Variants in IGSF21 observed in about 807,000 individuals in gnomAD.
The protein encoded by IGSF21 is immunoglobulin superfamily member 21.
In IGSF21, 28 loss-of-function variants were observed where a neutral mutation model predicts 46.8. The observed-to-expected ratio is 0.60, with a 90% CI of 0.44 to 0.82. The LOEUF (loss-of-function observed/expected upper bound fraction) is 0.82, where lower values mean the gene tolerates loss of function less well. IGSF21 is among the 40% of genes least tolerant of loss of function. The pLI, the probability that IGSF21 is intolerant of heterozygous loss-of-function variation, is 0.00. For synonymous variants in IGSF21, 284 were observed against 273.6 expected, an observed-to-expected ratio of 1.04 and a Z score of -0.38; for missense variants, 624 against 665.5, an observed-to-expected ratio of 0.94 and a Z score of 0.69.
At chr1:18,246,522 T>A (rs569802742) in intron 2 of IGSF21, among the ~76,000 whole-genome samples, 1 of 151,994 alleles carries the variant, frequency 6.6e-6, no homozygotes, top group East Asian at 1.9e-4. Flanking sequence ...TGTGGTCTTG[T>A]CCCCTCTGGC....
chr1:18,220,644 A>G (rs1432078155), intron 1 of IGSF21, among the ~76,000 whole-genome samples: 1 of 152,096 alleles, frequency 6.6e-6, no homozygotes, highest in South Asian at 2.1e-4. Context: ...CGGTGTCCCA[A>G]GCAGTAGGAG....
At chr1:18,126,284 A>G (rs2086274155) in intron 1 of IGSF21, among the ~76,000 whole-genome samples, 2 of 152,214 alleles carry the variant, frequency 1.3e-5, no homozygotes, top group African/African-American at 4.8e-5. Flanking sequence ...TAAAATAGCC[A>G]AGAAAAGGAA....
chr1:18,192,159 A>G (rs1478505196), intron 1 of IGSF21, among the ~76,000 whole-genome samples: 1 of 152,220 alleles, frequency 6.6e-6, no homozygotes, highest in Non-Finnish European at 1.5e-5. Flanking sequence ...ATCCTGAGCT[A>G]AACCTCCAGA....
chr1:18,267,563 A>T (rs1407024820), intron 2 of IGSF21, among the ~76,000 whole-genome samples: 1 of 152,214 alleles, frequency 6.6e-6, no homozygotes, highest in Non-Finnish European at 1.5e-5. Context: ...AGAGGTTTGG[A>T]GAAAGGCCTC....
chr1:18,158,401 C>A (rs779686111), intron 1 of IGSF21, among the ~76,000 whole-genome samples: 1 of 152,156 alleles, frequency 6.6e-6, no homozygotes, highest in Non-Finnish European at 1.5e-5. Context: ...TAATACTGTG[C>A]GGTAGGAACG....
At chr1:18,298,420 G>A (rs964108141) in intron 3 of IGSF21, among the ~76,000 whole-genome samples, 8 of 152,218 alleles carry the variant, frequency 5.3e-5, no homozygotes, top group African/African-American at 1.2e-4. Context: ...GAGGGCAGCT[G>A]TGACTTCCTT....
intron 1 of IGSF21, among the ~76,000 whole-genome samples, chr1:18,125,518 T>G (rs1005372792): frequency 6.6e-6 from 1 of 152,192 alleles, no homozygotes; most frequent in African/African-American, 2.4e-5. Context: ...ATGAACTGAT[T>G]AAAGCTGGCA....
At chr1:18,138,145 C>T (rs1282114984) in intron 1 of IGSF21, among the ~76,000 whole-genome samples, 1 of 152,196 alleles carries the variant, frequency 6.6e-6, no homozygotes, top group African/African-American at 2.4e-5. Context: ...GACAGGTGGG[C>T]TGAGCTGGGA....
At chr1:18,376,541 G>C in intron 7 of IGSF21, 146 bp downstream of exon 7, 1 of 741,300 alleles carries the variant, frequency 1.3e-6, no homozygotes, top group Non-Finnish European at 2.4e-6. Context: ...ATGTGTAATT[G>C]GGAGAATCAG....
chr1:18,191,576 G>C (rs1021844965), intron 1 of IGSF21, among the ~76,000 whole-genome samples: 1 of 152,048 alleles, frequency 6.6e-6, no homozygotes, highest in Non-Finnish European at 1.5e-5. Context: ...GGGGATACAC[G>C]GGGTGTGTAT....
intron 1 of IGSF21, among the ~76,000 whole-genome samples, chr1:18,219,472 C>G (rs993463492): frequency 6.6e-6 from 1 of 152,156 alleles, no homozygotes; most frequent in Non-Finnish European, 1.5e-5. Context: ...GAAGGCAGAA[C>G]AGGTGGGCCA....
intron 1 of IGSF21, among the ~76,000 whole-genome samples, chr1:18,212,790 G>A (rs916930005): frequency 2.6e-5 from 4 of 152,206 alleles, no homozygotes; most frequent in African/African-American, 9.7e-5. Flanking sequence ...ATTGGTCTCA[G>A]CCCTCCTCCC....
intron 4 of IGSF21, among the ~76,000 whole-genome samples, chr1:18,351,679 AGCT>A (rs2085957281): frequency 6.6e-6 from 1 of 152,136 alleles, no homozygotes; most frequent in South Asian, 2.1e-4. Flanking sequence ...TCTCTCACAA[AGCT>A]GCAAGTATGG....
chr1:18,149,276 C>T (rs2086499266), intron 1 of IGSF21, among the ~76,000 whole-genome samples: 1 of 152,102 alleles, frequency 6.6e-6, no homozygotes, highest in Non-Finnish European at 1.5e-5. Context: ...GACAGAGGAG[C>T]GCTCGGTGTG....
At chr1:18,361,018 T>C (rs1180469034) in intron 4 of IGSF21, among the ~76,000 whole-genome samples, 1 of 151,632 alleles carries the variant, frequency 6.6e-6, no homozygotes, top group East Asian at 1.9e-4. Context: ...CCAGGGGCAG[T>C]GGGTGAGGAG....
At chr1:18,236,983 T>C (rs2084679093) in intron 2 of IGSF21, among the ~76,000 whole-genome samples, 1 of 152,190 alleles carries the variant, frequency 6.6e-6, no homozygotes, top group Admixed American at 6.5e-5. Flanking sequence ...AGATTTTGTC[T>C]AGTAAAGAGT....
intron 1 of IGSF21, among the ~76,000 whole-genome samples, chr1:18,176,753 C>T (rs34041650): frequency 0.011 from 1,599 of 152,212 alleles, 13 homozygotes; most frequent in Non-Finnish European, 0.014. Context: ...AGAGCAATTC[C>T]CCAAGGAAAC....
intron 1 of IGSF21, among the ~76,000 whole-genome samples, chr1:18,143,814 T>C (rs1198447672): frequency 6.6e-6 from 1 of 152,054 alleles, no homozygotes; most frequent in African/African-American, 2.4e-5. Context: ...TGTCTTTCTG[T>C]TTAGGTGGGA....
chr1:18,367,587 TA>T (rs1227172830), intron 6 of IGSF21, among the ~76,000 whole-genome samples: 3 of 143,996 alleles, frequency 2.1e-5, no homozygotes, highest in South Asian at 4.7e-4. Flanking sequence ...GGACCTTTGA[TA>T]TTCTCTCTCT....
Sources: allele counts gnomAD v4.1 joint callset (sites outside exome capture counted in the v4.1 genomes callset), GRCh38; gene constraint gnomAD v4.1.1; transcripts MANE v1.5; gene names NCBI Gene and HGNC (gene_info 2026-07-23, HGNC 2026-07-21).